CNTNAP2: variants seen among roughly 807,000 people sequenced by gnomAD.
CNTNAP2 encodes the protein contactin-associated protein-like 2.
Under a neutral mutation model 155.2 loss-of-function variants are expected in CNTNAP2, and 98 were observed. The ratio of observed to expected loss-of-function variants is 0.63; its 90% CI spans 0.54 to 0.75. CNTNAP2 has a LOEUF of 0.75. CNTNAP2 is among the 30% of genes least tolerant of loss of function. The pLI, the probability that CNTNAP2 is intolerant of heterozygous loss-of-function variation, is 0.00. For synonymous variants in CNTNAP2, 651 were observed against 631.2 expected (o/e 1.03, Z -0.47); for missense variants, 1,727 against 1,688.1 (o/e 1.02, Z -0.40).
rs1801079878 is a variant in CNTNAP2 at position 147,120,391 on chromosome 7, C to G, written c.755-588C>G. On this transcript the variant is annotated intron_variant, in intron 5 of 23. Coordinates refer to ENST00000361727, the MANE Select transcript of CNTNAP2 (RefSeq NM_014141.6). Reference sequence around the variant, plus strand: ...AGCATTCTCAACTTGTCCTGGAACCCAAGCTAAAAGTGGAGCCAGCATCAG... The same window carrying G: ...AGCATTCTCAACTTGTCCTGGAACCGAAGCTAAAAGTGGAGCCAGCATCAG... Among the ~76,000 whole-genome samples, 4 of 152,158 alleles carry G rather than the reference C, an allele frequency of 2.6e-5. No individual in the cohort carries two copies. The South Asian group carries it at 8.3e-4, about 32-fold the overall frequency.
At chr7:146,373,273 T>A (rs1208735201) in intron 1 of CNTNAP2, among the ~76,000 whole-genome samples, 1 of 152,182 alleles carries the variant, frequency 6.6e-6, no homozygotes, top group East Asian at 1.9e-4. Context: ...ACAGAGTCTC[T>A]ATTTAGCTAT....
chr7:147,129,712 C>T (rs538019308), intron 7 of CNTNAP2, among the ~76,000 whole-genome samples: 2 of 152,110 alleles, frequency 1.3e-5, no homozygotes, highest in Admixed American at 1.3e-4. Flanking sequence ...GGTCTCGTTG[C>T]CTCAAATTTG....
intron 14 of CNTNAP2, among the ~76,000 whole-genome samples, chr7:147,949,958 C>T (rs547731861): frequency 1.1e-4 from 16 of 152,264 alleles, no homozygotes; most frequent in African/African-American, 1.7e-4. Flanking sequence ...GCATTTACTT[C>T]GGGCACAAGG....
chr7:146,856,338 A>C (rs1437730143), intron 3 of CNTNAP2, among the ~76,000 whole-genome samples: 1 of 151,604 alleles, frequency 6.6e-6, no homozygotes, highest in Non-Finnish European at 1.5e-5. Flanking sequence ...ACATACATAC[A>C]TACATAGGCA....
At chr7:147,094,408 T>G (rs1206990853) in intron 4 of CNTNAP2, among the ~76,000 whole-genome samples, 1 of 149,786 alleles carries the variant, frequency 6.7e-6, no homozygotes, top group African/African-American at 2.5e-5. Flanking sequence ...CCTTTTTTTT[T>G]TTTTTTTCTT....
intron 8 of CNTNAP2, among the ~76,000 whole-genome samples, chr7:147,269,796 G>A (rs1190518033): frequency 4.6e-5 from 7 of 152,150 alleles, no homozygotes; most frequent in Non-Finnish European, 8.8e-5. Flanking sequence ...GCTCATACCT[G>A]TAATCCTAGC....
chr7:147,612,441 C>T (rs1801205694), intron 12 of CNTNAP2, among the ~76,000 whole-genome samples: 1 of 146,562 alleles, frequency 6.8e-6, no homozygotes, highest in Non-Finnish European at 1.5e-5. Context: ...CTTTCTGTTG[C>T]CCAGGCTAGA....
intron 11 of CNTNAP2, among the ~76,000 whole-genome samples, chr7:147,500,342 A>G (rs970276542): frequency 6.6e-6 from 1 of 152,062 alleles, no homozygotes; most frequent in African/African-American, 2.4e-5. Flanking sequence ...CTTACAAACC[A>G]TGAACAGTAT....
At chr7:148,298,993 T>C (rs1165519462) in intron 21 of CNTNAP2, among the ~76,000 whole-genome samples, 2 of 151,880 alleles carry the variant, frequency 1.3e-5, no homozygotes, top group Non-Finnish European at 2.9e-5. Flanking sequence ...AACTTTTTTT[T>C]TTTTTCTTTT....
At chr7:146,716,476 C>A (rs1429729246) in intron 1 of CNTNAP2, among the ~76,000 whole-genome samples, 1 of 152,162 alleles carries the variant, frequency 6.6e-6, no homozygotes, top group Admixed American at 6.6e-5. Flanking sequence ...TTCTAAAAGG[C>A]AGGTTGTGCT....
intron 1 of CNTNAP2, among the ~76,000 whole-genome samples, chr7:146,615,416 C>A (rs929624177): frequency 2.6e-5 from 4 of 152,106 alleles, no homozygotes; most frequent in Non-Finnish European, 5.9e-5. Context: ...TCAGAAGGGC[C>A]AAGACATTTC....
intron 18 of CNTNAP2, among the ~76,000 whole-genome samples, chr7:148,188,605 C>T (rs917836039): frequency 6.6e-6 from 1 of 152,216 alleles, no homozygotes; most frequent in Non-Finnish European, 1.5e-5. Context: ...TTCTCTTCTA[C>T]TAAGATCCAG....
chr7:146,912,296 A>G (rs1485338997), intron 3 of CNTNAP2, among the ~76,000 whole-genome samples: 7 of 150,724 alleles, frequency 4.6e-5, no homozygotes, highest in African/African-American at 1.7e-4. Context: ...TTGACAATGT[A>G]ATTCTGTTGC....
At chr7:147,089,267 C>A (rs986998198) in intron 4 of CNTNAP2, among the ~76,000 whole-genome samples, 24 of 152,172 alleles carry the variant, frequency 1.6e-4, no homozygotes, top group Non-Finnish European at 1.5e-5. Flanking sequence ...TGATCGGAGT[C>A]CTGGCCCTCC....
chr7:146,159,960 C>T lies in CNTNAP2; in HGVS notation c.97+42987C>T, dbSNP rs139587486. 4.4e-3 allele frequency among the ~76,000 whole-genome samples: 676 copies of T among 152,268 alleles called. 5 individuals are homozygous for T. The highest frequency in any genetic ancestry group is 0.016 in the African/African-American group (656 of 41,550). On this transcript the variant is annotated intron_variant, in intron 1 of 23. Coordinates refer to ENST00000361727, the MANE Select transcript of CNTNAP2 (RefSeq NM_014141.6). ...ACATTCTTCTCAGTGCCACATCACA[C>T]TTATTCCAAAATTGATCACACAGTT... is the stretch of plus-strand genomic sequence containing the variant.
chr7:146,504,777 G>A (rs558989858), intron 1 of CNTNAP2, among the ~76,000 whole-genome samples: 35 of 152,280 alleles, frequency 2.3e-4, no homozygotes, highest in Non-Finnish European at 4.4e-4. Context: ...CCCAGGTAGA[G>A]CGGCCAATCC....
intron 13 of CNTNAP2, among the ~76,000 whole-genome samples, chr7:147,767,887 A>T (rs1429348296): frequency 6.6e-6 from 1 of 152,150 alleles, no homozygotes; most frequent in Admixed American, 6.6e-5. Flanking sequence ...AGAGAAAGAA[A>T]GGAGATTATG....
At chr7:147,327,391 A>T (rs754729091) in intron 9 of CNTNAP2, among the ~76,000 whole-genome samples, 3 of 152,196 alleles carry the variant, frequency 2.0e-5, no homozygotes, top group Non-Finnish European at 2.9e-5. Context: ...TTTAGCCAGC[A>T]TAATATATTG....
chr7:146,569,847 C>T (rs562591960), intron 1 of CNTNAP2, among the ~76,000 whole-genome samples: 208 of 152,320 alleles, frequency 1.4e-3, no homozygotes, highest in Non-Finnish European at 2.5e-3. Flanking sequence ...CCCTACCTGA[C>T]AAGACAGTGT....
Sources: gnomAD v4.1 joint callset for allele counts (sites outside exome capture counted in the v4.1 genomes callset) on GRCh38, gnomAD v4.1.1 for gene constraint, MANE v1.5 for transcripts, NCBI Gene and HGNC (gene_info 2026-07-23, HGNC 2026-07-21) for gene names.